The following EPB41 variants were observed in gnomAD, a reference collection of about 807,000 sequenced individuals.
EPB41 encodes the protein protein 4.1.
A neutral mutation model predicts 108.0 loss-of-function variants in EPB41; 65 were observed. The observed-to-expected ratio is 0.60, with a 90% CI of 0.49 to 0.74. The LOEUF is 0.74. Among genes scored for constraint, EPB41 ranks in the 30% least tolerant of loss-of-function variants. The probability of loss-of-function intolerance (pLI) is 0.00; values close to 1 mark genes in which losing one functional copy is unlikely to be tolerated. For missense variants in EPB41, 875 were observed against 1,037.0 expected (o/e 0.84, Z 2.15); for synonymous variants, 336 against 358.9 (o/e 0.94, Z 0.72).
intron 15 of EPB41, among the ~76,000 whole-genome samples, chr1:29,064,082 TA>T (rs201347201): frequency 1.9e-4 from 29 of 150,722 alleles, no homozygotes; most frequent in East Asian, 1.2e-3. Context: ...CCACAAAAAT[TA>T]AAAAAAAAAT....
At chr1:29,036,516 C>T (rs907416461) in intron 10 of EPB41, among the ~76,000 whole-genome samples, 5 of 152,104 alleles carry the variant, frequency 3.3e-5, no homozygotes, top group Non-Finnish European at 7.4e-5. Context: ...TTGCCTTGGC[C>T]TCCCAATGTG....
chr1:29,011,073 G>A (rs1298778032), intron 4 of EPB41, among the ~76,000 whole-genome samples: 1 of 147,856 alleles, frequency 6.8e-6, no homozygotes, highest in Non-Finnish European at 1.5e-5. Context: ...GGCTGACATC[G>A]AGATTGCGCC....
intron 1 of EPB41, among the ~76,000 whole-genome samples, chr1:28,976,324 A>G (rs1033564131): frequency 2.6e-5 from 4 of 152,100 alleles, no homozygotes; most frequent in African/African-American, 9.7e-5. Flanking sequence ...AATACATGCT[A>G]GCTGCTATTA....
chr1:28,982,284 C>G (rs1462970962), intron 1 of EPB41: 1 of 549,114 alleles, frequency 1.8e-6, no homozygotes, highest in African/African-American at 1.9e-5. Flanking sequence ...GCATCTAAAA[C>G]CACAGCTTCT....
chr1:29,034,985 T>G (rs1340550421), intron 9 of EPB41, among the ~76,000 whole-genome samples: 6 of 145,362 alleles, frequency 4.1e-5, no homozygotes, highest in African/African-American at 1.3e-4. Flanking sequence ...TTTTTTTTTT[T>G]TTTTTTTTTT....
chr1:28,975,858 G>A (rs889627872), intron 1 of EPB41, among the ~76,000 whole-genome samples: 2 of 148,948 alleles, frequency 1.3e-5, no homozygotes, highest in African/African-American at 5.0e-5. Context: ...GGAGAATGGC[G>A]TGAACCCGGG....
chr1:28,992,113 G>C (rs769485613), intron 2 of EPB41, among the ~76,000 whole-genome samples: 14 of 152,190 alleles, frequency 9.2e-5, no homozygotes, highest in Non-Finnish European at 1.9e-4. Flanking sequence ...AAAGACAGTA[G>C]AGCGGGCATA....
chr1:28,914,954 G>A (rs1047821738), intron 1 of EPB41, among the ~76,000 whole-genome samples, 186 bp downstream of exon 1: 1 of 152,026 alleles, frequency 6.6e-6, no homozygotes, highest in Admixed American at 6.5e-5. Flanking sequence ...CGCCAGCCGG[G>A]ACGCGGCCCG....
intron 1 of EPB41, among the ~76,000 whole-genome samples, chr1:28,937,968 A>G (rs2094116508): frequency 6.6e-6 from 1 of 152,186 alleles, no homozygotes; most frequent in Admixed American, 6.6e-5. Context: ...CCTTTCCTCC[A>G]TTGAATTGTC....
chr1:28,980,557 T>C (rs976092155), intron 1 of EPB41, among the ~76,000 whole-genome samples: 1 of 151,260 alleles, frequency 6.6e-6, no homozygotes, highest in African/African-American at 2.4e-5. Flanking sequence ...AAAAAATTTT[T>C]TTTTTTTTAA....
At chr1:29,052,094 G>A (rs1644625444) in intron 11 of EPB41, among the ~76,000 whole-genome samples, 1 of 152,122 alleles carries the variant, frequency 6.6e-6, no homozygotes, top group Non-Finnish European at 1.5e-5. Flanking sequence ...TTTGAAGTAA[G>A]CTGTCTAAAA....
chr1:28,902,059 G>A (rs2091372315), intron 1 of EPB41, among the ~76,000 whole-genome samples: 2 of 152,210 alleles, frequency 1.3e-5, no homozygotes, highest in South Asian at 4.1e-4. Flanking sequence ...TGCATAGGAA[G>A]TGCTCAGTAA....
rs2096607933 is a variant in EPB41 at position 29,018,756 on chromosome 1, G to T, written c.1124+314G>T. Among the ~76,000 whole-genome samples the T allele has an allele frequency of 6.6e-6, 1 of 152,142 alleles. No homozygotes were observed. Among genetic ancestry groups the T allele is most frequent in the African/African-American group, 2.4e-5 (1 of 41,442 alleles). On this transcript the variant is annotated intron_variant, in intron 7 of 20. Transcript: ENST00000343067. The surrounding 1 kb of genome is among the most constrained non-coding windows in gnomAD (Gnocchi z 4.4). ...TTTCCTTACCTTTTATTTTTTATCAGATTTAAAGCTAATTATGCTGCATTA... is the reference window on the plus strand; with the variant it reads ...TTTCCTTACCTTTTATTTTTTATCATATTTAAAGCTAATTATGCTGCATTA...
chr1:29,058,937 C>A (rs987396495), intron 14 of EPB41, 85 bp downstream of exon 14: 1 of 1,190,122 alleles, frequency 8.4e-7, no homozygotes. Flanking sequence ...GTGATCCATT[C>A]TTTTCATTGA....
chr1:29,017,685 A>G (rs1338813655), intron 6 of EPB41, among the ~76,000 whole-genome samples: 8 of 152,210 alleles, frequency 5.3e-5, no homozygotes, highest in South Asian at 2.1e-4. Flanking sequence ...ATGAAGGACT[A>G]TATCTGCACA....
Position 29,091,323 on chromosome 1 carries a change from A to G in EPB41, c.2185-6484A>G, listed in dbSNP as rs557962728. On this transcript the variant is annotated intron_variant, in intron 16 of 20. Coordinates refer to ENST00000343067, the MANE Select transcript of EPB41 (RefSeq NM_001376013.1). ...GAAGCCCAAAGTTCCTCTCCATGTG[A>G]ATGGGTTTAGATAGCTATTCACAAT... 5.3e-5 allele frequency among the ~76,000 whole-genome samples: 8 copies of G among 152,300 alleles called. No individual in the cohort carries two copies. The South Asian group carries it at 1.7e-3, about 32-fold the overall frequency.
At chr1:28,925,945 G>A (rs1431964204) in intron 1 of EPB41, among the ~76,000 whole-genome samples, 1 of 152,084 alleles carries the variant, frequency 6.6e-6, no homozygotes, top group African/African-American at 2.4e-5. Context: ...TAAAAGATGG[G>A]GCTCATGCCT....
intron 16 of EPB41, among the ~76,000 whole-genome samples, chr1:29,073,991 T>C (rs990304579): frequency 6.6e-6 from 1 of 152,304 alleles, no homozygotes; most frequent in East Asian, 1.9e-4. Context: ...ATACTTCTTA[T>C]AGATAAGCCT....
At chr1:28,940,907 C>G (rs1557746805) in intron 1 of EPB41, among the ~76,000 whole-genome samples, 1 of 152,114 alleles carries the variant, frequency 6.6e-6, no homozygotes, top group African/African-American at 2.4e-5. Flanking sequence ...CTGACATTTA[C>G]TTTTCTTACT....
Sources: allele counts gnomAD v4.1 joint callset (sites outside exome capture counted in the v4.1 genomes callset), GRCh38; gene constraint gnomAD v4.1.1; non-coding constraint Gnocchi (gnomAD v3.1); transcripts MANE v1.5; gene names NCBI Gene and HGNC (gene_info 2026-07-23, HGNC 2026-07-21).